The following NHS variants were observed in gnomAD, a reference collection of about 807,000 sequenced individuals.
NHS encodes the protein NHS actin remodeling regulator.
NHS carries 5 observed loss-of-function variants against 72.5 expected under a neutral mutation model. The ratio of observed to expected loss-of-function variants is 0.07; its 90% CI spans 0.04 to 0.14. NHS has a LOEUF of 0.14. Ranked by LOEUF, NHS falls within the 10% of genes least tolerant of loss-of-function variation. The pLI is 1.00. For missense variants in NHS, 1,072 were observed against 1,355.7 expected (o/e 0.79, Z 3.29); for synonymous variants, 464 against 547.7 (o/e 0.85, Z 2.13).
At chrX:17,685,970 C>A (rs2066160120) in intron 1 of NHS, among the ~76,000 whole-genome samples, 1 of 111,924 alleles carries the variant, frequency 8.9e-6, no homozygotes, top group South Asian at 3.7e-4. Flanking sequence ...GTTCCAACAC[C>A]TAGCACCATG....
intron 1 of NHS, among the ~76,000 whole-genome samples, chrX:17,667,138 A>G (rs946409796): frequency 5.3e-5 from 6 of 112,788 alleles, no homozygotes; most frequent in Admixed American, 1.9e-4. Context: ...ACTTCTGCCA[A>G]TAGAGCTCAG....
intron 1 of NHS, among the ~76,000 whole-genome samples, chrX:17,507,709 A>G (rs778841603): frequency 1.1e-4 from 12 of 112,301 alleles, no homozygotes; most frequent in Non-Finnish European, 2.3e-4. Context: ...TGCCCAAGAC[A>G]TAGACAAAAC....
intron 1 of NHS, among the ~76,000 whole-genome samples, chrX:17,683,798 C>T (rs1403271114): frequency 8.9e-6 from 1 of 111,806 alleles, no homozygotes; most frequent in Admixed American, 9.5e-5. Context: ...TTATCTTCCC[C>T]TTTCTTGGGG....
At chrX:17,603,434 A>C (rs2147051539) in intron 1 of NHS, among the ~76,000 whole-genome samples, 1 of 112,120 alleles carries the variant, frequency 8.9e-6, no homozygotes, top group African/African-American at 3.2e-5. Flanking sequence ...GACGAAACAT[A>C]CTGGCTTCAT....
intron 1 of NHS, among the ~76,000 whole-genome samples, chrX:17,377,999 T>C (rs2064355570): frequency 9.0e-6 from 1 of 111,662 alleles, no homozygotes; most frequent in Admixed American, 9.5e-5. Flanking sequence ...GGAGTGGTGA[T>C]TTCACTTCAA....
rs1379908173 is a variant in NHS at position 17,735,214 on chromosome X, A to C, written c.*2750A>C. On this transcript the variant is annotated 3_prime_UTR_variant, in exon 9 of 9. Coordinates refer to ENST00000676302, the MANE Select transcript of NHS (RefSeq NM_001291867.2). ...AAATTCACTGTGGAAAAGAGTATTG[A>C]GTTACAAACTGAGAAGAAAAAGCAG... 1.8e-5 allele frequency: 2 copies of C among 112,657 alleles called. No homozygotes were observed. The highest frequency in any genetic ancestry group is 3.8e-5 in the Non-Finnish European group (2 of 53,172). 9.3% of individuals were successfully genotyped at this position (112,657 alleles called of 1,213,427 possible). A position where few individuals can be genotyped will look rare whatever the true frequency, so the allele number is the denominator to read the frequency against.
At chrX:17,500,843 T>G in intron 1 of NHS, among the ~76,000 whole-genome samples, 2 of 111,499 alleles carry the variant, frequency 1.8e-5, no homozygotes, top group Admixed American at 1.9e-4. Flanking sequence ...CTTAGTTGAG[T>G]CCCTTACCTG....
Position 17,498,129 on chromosome X carries a change from G to A in NHS, c.565+121807G>A, listed in dbSNP as rs997863204. 7.1e-5 allele frequency among the ~76,000 whole-genome samples: 8 copies of A among 112,043 alleles called. No individual in the cohort carries two copies. In the Admixed American group the frequency reaches 7.6e-4, roughly 11 times the overall value. On this transcript the variant is annotated intron_variant, in intron 1 of 8. Coordinates refer to ENST00000676302, the MANE Select transcript of NHS (RefSeq NM_001291867.2). The stretch of plus-strand genomic sequence containing the variant: ...CCAGCATTGACAGCCATTGCTTTAG[G>A]TCACATAACTAGAAATGAAGTTTCT...
At chrX:17,627,815 C>T (rs1224511436) in intron 1 of NHS, among the ~76,000 whole-genome samples, 1 of 112,268 alleles carries the variant, frequency 8.9e-6, no homozygotes, top group Non-Finnish European at 1.9e-5. Flanking sequence ...CATGGTTTCT[C>T]CTCCTCTCCC....
At chrX:17,694,897 A>G (rs940458840) in intron 3 of NHS, among the ~76,000 whole-genome samples, 11 of 111,785 alleles carry the variant, frequency 9.8e-5, no homozygotes, top group African/African-American at 3.6e-4. Context: ...GGAAAAAGCT[A>G]TTGTATCTTT....
At chrX:17,702,651 C>T (rs767671277) in intron 3 of NHS, among the ~76,000 whole-genome samples, 31 of 111,565 alleles carry the variant, frequency 2.8e-4, no homozygotes, top group Non-Finnish European at 5.7e-4. Context: ...TGCACCACTG[C>T]ACTCCAGCCT....
chrX:17,375,961 ACCG>A lies in NHS; in HGVS notation c.216_218del (p.Pro73del), dbSNP rs10590816. On this transcript the variant is annotated inframe_deletion, in exon 1 of 9. Coordinates refer to ENST00000676302, the MANE Select transcript of NHS (RefSeq NM_001291867.2). The stretch of plus-strand genomic sequence containing the variant: ...CCGTCCCTGCACCTTCAGGGCTGCC[ACCG>A]CCGCCGCCGCCACTGCCCGCGCCGG... 6,779 of 1,071,997 alleles carry A rather than the reference ACCG, an allele frequency of 6.3e-3. 297 individuals are homozygous for A. In the African/African-American group the frequency reaches 0.11, roughly 18 times the overall value. 88.3% of individuals were successfully genotyped at this position (1,071,997 alleles called of 1,213,427 possible).
intron 1 of NHS, among the ~76,000 whole-genome samples, chrX:17,554,369 T>C (rs1001547999): frequency 8.1e-5 from 9 of 111,667 alleles, no homozygotes; most frequent in Non-Finnish European, 1.7e-4. Context: ...CAGAGACCTT[T>C]TAGACACTCC....
At chrX:17,385,401 C>G (rs748044696) in intron 1 of NHS, among the ~76,000 whole-genome samples, 4 of 111,592 alleles carry the variant, frequency 3.6e-5, no homozygotes, top group Non-Finnish European at 7.5e-5. Flanking sequence ...GTAGTCCCAT[C>G]TACTCAGGAG....
At chrX:17,669,019 G>T (rs188096158) in intron 1 of NHS, among the ~76,000 whole-genome samples, 28 of 112,249 alleles carry the variant, frequency 2.5e-4, no homozygotes, top group Non-Finnish European at 5.1e-4. Flanking sequence ...CCTTCTGACT[G>T]TTGAAGTGAA....
intron 1 of NHS, among the ~76,000 whole-genome samples, chrX:17,445,247 C>T (rs2064773309): frequency 9.0e-6 from 1 of 111,665 alleles, no homozygotes; most frequent in Admixed American, 9.5e-5. Context: ...ATGGGAAAGA[C>T]TCATTTCTCC....
intron 1 of NHS, among the ~76,000 whole-genome samples, chrX:17,601,508 C>T (rs150686561): frequency 0.012 from 1,392 of 111,993 alleles, 42 homozygotes; most frequent in Admixed American, 0.071. Flanking sequence ...GCAGTTTCCA[C>T]ATCTTAAATC....
intron 1 of NHS, among the ~76,000 whole-genome samples, chrX:17,581,234 C>T (rs1293487939): frequency 8.9e-6 from 1 of 111,906 alleles, no homozygotes; most frequent in Non-Finnish European, 1.9e-5. Flanking sequence ...CTGGCAACAT[C>T]TATTCCTCGT....
rs548692975 is a variant in NHS at position 17,585,738 on chromosome X, G to GTAATAATAATAATAA, written c.566-101988_566-101974dup. 3.6e-3 allele frequency among the ~76,000 whole-genome samples: 368 copies of GTAATAATAATAATAA among 101,227 alleles called. 1 individual carries two copies. Among genetic ancestry groups the GTAATAATAATAATAA allele is most frequent in the African/African-American group, 0.013 (343 of 25,436 alleles). 87.9% of individuals were successfully genotyped at this position (101,227 alleles called of 115,157 possible). A position where few individuals can be genotyped will look rare whatever the true frequency, so the allele number is the denominator to read the frequency against. ...GGGGGATTTATGACCAAAAATAATA[G>GTAATAATAATAATAA]TAATAATAATAATAATAATAATAAT... On this transcript the variant is annotated intron_variant, in intron 1 of 8. Coordinates refer to ENST00000676302, the MANE Select transcript of NHS (RefSeq NM_001291867.2).
Sources: allele counts gnomAD v4.1 joint callset (sites outside exome capture counted in the v4.1 genomes callset), GRCh38; gene constraint gnomAD v4.1.1; transcripts MANE v1.5; gene names NCBI Gene and HGNC (gene_info 2026-07-23, HGNC 2026-07-21).